The following PTPRE variants were observed in gnomAD, a reference collection of about 807,000 sequenced individuals.
The protein encoded by PTPRE is receptor-type tyrosine-protein phosphatase epsilon.
In PTPRE, 51 loss-of-function variants were observed where a neutral mutation model predicts 102.0. That is an observed-to-expected ratio of 0.50 (90% CI 0.40 to 0.63). The LOEUF is 0.63. PTPRE is among the 30% of genes least tolerant of loss of function. The pLI, the probability that PTPRE is intolerant of heterozygous loss-of-function variation, is 0.00. For missense variants in PTPRE, 752 were observed against 915.1 expected, an observed-to-expected ratio of 0.82 and a Z score of 2.30; for synonymous variants, 345 against 348.2, an observed-to-expected ratio of 0.99 and a Z score of 0.10.
At chr10:128,034,400 G>T (rs1296820913) in intron 2 of PTPRE, among the ~76,000 whole-genome samples, 3 of 151,488 alleles carry the variant, frequency 2.0e-5, no homozygotes, top group East Asian at 3.9e-4. Flanking sequence ...GAAAACAAAG[G>T]TTATGGCTGG....
intron 2 of PTPRE, among the ~76,000 whole-genome samples, chr10:127,996,734 G>A (rs1231886682): frequency 6.6e-6 from 1 of 152,222 alleles, no homozygotes; most frequent in Non-Finnish European, 1.5e-5. Flanking sequence ...GGCACACGCA[G>A]GCTCCGAGTT....
intron 1 of PTPRE, among the ~76,000 whole-genome samples, chr10:127,949,606 T>C (rs1589810313): frequency 6.6e-6 from 1 of 152,188 alleles, no homozygotes; most frequent in African/African-American, 2.4e-5. Flanking sequence ...CCAAAGAATA[T>C]GCCACGTTCA....
chr10:128,078,885 A>G (rs1274034348), intron 19 of PTPRE, among the ~76,000 whole-genome samples: 1 of 152,204 alleles, frequency 6.6e-6, no homozygotes, highest in Non-Finnish European at 1.5e-5. Flanking sequence ...CACAGAGGGC[A>G]GCCAGGCATC....
chr10:127,997,343 C>A (rs947118600), intron 2 of PTPRE, among the ~76,000 whole-genome samples: 1 of 152,182 alleles, frequency 6.6e-6, no homozygotes, highest in African/African-American at 2.4e-5. Flanking sequence ...AAGGGGACTC[C>A]ATGTTCAAGG....
Position 128,070,104 on chromosome 10 carries a change from C to T in PTPRE, c.1144-197C>T, listed in dbSNP as rs759874605. On this transcript the variant is annotated intron_variant, in intron 13 of 20. Transcript: ENST00000254667. The surrounding 1 kb of genome is among the most constrained non-coding windows in gnomAD (Gnocchi z 4.8). The stretch of plus-strand genomic sequence containing the variant: ...GTGGCGTGCTCACCAATGTGAGGCT[C>T]TGCTGCTACCGTTCTCCTTACTCAA... 5 of 715,310 alleles carry T rather than the reference C, an allele frequency of 7.0e-6. No homozygotes were observed. The highest frequency in any genetic ancestry group is 1.1e-5 in the Non-Finnish European group (5 of 440,820). The allele number at this position is 715,310 out of a possible 1,614,324, so 44.3% of individuals were successfully genotyped here. A position where few individuals can be genotyped will look rare whatever the true frequency, so the allele number is the denominator to read the frequency against.
chr10:127,940,116 G>A (rs112444089), intron 1 of PTPRE, among the ~76,000 whole-genome samples: 3,388 of 152,126 alleles, frequency 0.022, 138 homozygotes, highest in African/African-American at 0.078. Flanking sequence ...GCAGATGTGA[G>A]CAGGTGGAGG....
chr10:128,044,818 T>A (rs1336357535), intron 3 of PTPRE, among the ~76,000 whole-genome samples: 3 of 152,256 alleles, frequency 2.0e-5, no homozygotes, highest in Admixed American at 1.3e-4. Flanking sequence ...CCAGAGGACA[T>A]ATTTTTGTTT....
chr10:127,954,862 C>T (rs1849284236), intron 1 of PTPRE, among the ~76,000 whole-genome samples: 1 of 151,992 alleles, frequency 6.6e-6, no homozygotes, highest in African/African-American at 2.4e-5. Flanking sequence ...GTTCCCATGA[C>T]TGTTAGCTCT....
chr10:127,961,074 G>C (rs1253685656), intron 1 of PTPRE, among the ~76,000 whole-genome samples: 4 of 151,782 alleles, frequency 2.6e-5, no homozygotes, highest in Non-Finnish European at 5.9e-5. Context: ...CCTCTCTGCT[G>C]TTAGTGTGCA....
At chr10:128,058,803 G>A (rs1254737690) in intron 7 of PTPRE, among the ~76,000 whole-genome samples, 2 of 151,998 alleles carry the variant, frequency 1.3e-5, no homozygotes, top group Non-Finnish European at 2.9e-5. Flanking sequence ...GAGGAGAGAA[G>A]GGACCCAACT....
At chr10:127,991,099 C>T (rs978626435) in intron 2 of PTPRE, among the ~76,000 whole-genome samples, 1 of 152,144 alleles carries the variant, frequency 6.6e-6, no homozygotes, top group Admixed American at 6.5e-5. Context: ...TGGAAACCCT[C>T]GATATCACTC....
chr10:128,060,753 A>G (rs891128995), intron 7 of PTPRE, among the ~76,000 whole-genome samples, 186 bp from the exon 8 acceptor site: 13 of 152,162 alleles, frequency 8.5e-5, no homozygotes, highest in African/African-American at 2.9e-4. Flanking sequence ...CTCTCAGGAC[A>G]CTAGTGTTCT....
At chr10:127,967,463 T>C (rs565857481) in intron 1 of PTPRE, among the ~76,000 whole-genome samples, 32 of 152,280 alleles carry the variant, frequency 2.1e-4, no homozygotes, top group Middle Eastern at 3.4e-3. Context: ...TAAAGGGCAG[T>C]TCCCCTGCAC....
intron 1 of PTPRE, among the ~76,000 whole-genome samples, chr10:127,979,158 C>A (rs990440518): frequency 1.3e-5 from 2 of 152,250 alleles, no homozygotes; most frequent in African/African-American, 4.8e-5. Flanking sequence ...CTAAGCTCAT[C>A]TCTCCTTCCC....
At chr10:128,041,882 G>A (rs1847726979) in intron 3 of PTPRE, among the ~76,000 whole-genome samples, 1 of 152,022 alleles carries the variant, frequency 6.6e-6, no homozygotes. Context: ...CCTAACCCTG[G>A]ACAAATGTCC....
At chr10:127,942,370 G>A (rs1035273654) in intron 1 of PTPRE, among the ~76,000 whole-genome samples, 2 of 152,154 alleles carry the variant, frequency 1.3e-5, no homozygotes, top group African/African-American at 2.4e-5. Flanking sequence ...TCTTTAAATT[G>A]TACGACATCC....
chr10:127,912,954 G>A (rs373203356), intron 1 of PTPRE, among the ~76,000 whole-genome samples: 3 of 152,214 alleles, frequency 2.0e-5, no homozygotes, highest in African/African-American at 7.2e-5. Flanking sequence ...TGGAAGCCAC[G>A]GGGCTTTATT....
chr10:128,078,264 G>T (rs1050002246), intron 19 of PTPRE, among the ~76,000 whole-genome samples: 2 of 152,202 alleles, frequency 1.3e-5, no homozygotes, highest in African/African-American at 4.8e-5. Flanking sequence ...CCTCAGCCTG[G>T]CTCCCAAGTC....
At chr10:128,061,061 G>A in intron 8 of PTPRE, 46 bp downstream of exon 8, 2 of 1,570,290 alleles carry the variant, frequency 1.3e-6, no homozygotes, top group Non-Finnish European at 1.8e-6. Flanking sequence ...GCTGGGGCAT[G>A]AGCAGTAAGC....
Sources: allele counts gnomAD v4.1 joint callset (sites outside exome capture counted in the v4.1 genomes callset), GRCh38; gene constraint gnomAD v4.1.1; non-coding constraint Gnocchi (gnomAD v3.1); transcripts MANE v1.5; gene names NCBI Gene and HGNC (gene_info 2026-07-23, HGNC 2026-07-21).